SEPTIN10: variants seen among roughly 807,000 people sequenced by gnomAD.
The protein encoded by SEPTIN10 is septin-10.
In SEPTIN10, 66 loss-of-function variants were observed where a neutral mutation model predicts 54.8. The observed-to-expected ratio is 1.21, with a 90% CI of 0.99 to 1.48. The LOEUF (loss-of-function observed/expected upper bound fraction) is 1.48. Among genes scored for constraint, SEPTIN10 ranks in the 40% most tolerant of loss-of-function variants. SEPTIN10 has a pLI of 0.00. For synonymous variants in SEPTIN10, 161 were observed against 181.0 expected (o/e 0.89, Z 0.89); for missense variants, 620 against 545.6 (o/e 1.14, Z -1.36).
intron 1 of SEPTIN10, among the ~76,000 whole-genome samples, chr2:109,605,117 T>C (rs1697637028): frequency 6.6e-6 from 1 of 152,228 alleles, no homozygotes; most frequent in African/African-American, 2.4e-5. Context: ...GAAGTTTCCA[T>C]TGATTCCTTG....
chr2:109,601,927 G>A (rs1696682274), intron 1 of SEPTIN10, among the ~76,000 whole-genome samples: 1 of 152,172 alleles, frequency 6.6e-6, no homozygotes, highest in Non-Finnish European at 1.5e-5. Context: ...GGACAGCAAA[G>A]TATATTCAGT....
At chr2:109,572,133 T>C (rs1688536204) in intron 5 of SEPTIN10, among the ~76,000 whole-genome samples, 1 of 151,156 alleles carries the variant, frequency 6.6e-6, no homozygotes, top group African/African-American at 2.4e-5. Context: ...TCCCCACCTC[T>C]TTTTTTTTGT....
intron 4 of SEPTIN10, among the ~76,000 whole-genome samples, chr2:109,578,015 A>G (rs942005430): frequency 6.6e-6 from 1 of 151,738 alleles, no homozygotes; most frequent in Non-Finnish European, 1.5e-5. Flanking sequence ...GTCTATTTGT[A>G]TTATCAATGA....
intron 5 of SEPTIN10, among the ~76,000 whole-genome samples, chr2:109,573,580 T>C (rs1688877759): frequency 1.3e-5 from 2 of 152,196 alleles, no homozygotes; most frequent in African/African-American, 4.8e-5. Context: ...TAGGCAGGCC[T>C]TCAGGCTTTC....
intron 9 of SEPTIN10, among the ~76,000 whole-genome samples, chr2:109,547,451 A>G (rs2104589115): frequency 6.6e-6 from 1 of 151,044 alleles, no homozygotes; most frequent in African/African-American, 2.4e-5. Flanking sequence ...TCCCGTATAC[A>G]ACTGTTAAAT....
chr2:109,604,472 A>G (rs1014254166), intron 1 of SEPTIN10, among the ~76,000 whole-genome samples: 1 of 150,512 alleles, frequency 6.6e-6, no homozygotes, highest in Non-Finnish European at 1.5e-5. Context: ...GAGGCCTGTA[A>G]TCCTAGCACT....
intron 5 of SEPTIN10, among the ~76,000 whole-genome samples, chr2:109,573,334 T>C (rs935399042): frequency 5.9e-5 from 9 of 152,178 alleles, no homozygotes; most frequent in Non-Finnish European, 7.3e-5. Flanking sequence ...AATTACCTCA[T>C]GTTGCTCCTC....
chr2:109,603,524 C>A (rs568474157), intron 1 of SEPTIN10, among the ~76,000 whole-genome samples: 35 of 151,574 alleles, frequency 2.3e-4, no homozygotes, highest in African/African-American at 6.5e-4. Flanking sequence ...CAGGCGTGCA[C>A]CACCGCGCCC....
At chr2:109,574,207 G>C (rs1463288980) in intron 5 of SEPTIN10, among the ~76,000 whole-genome samples, 14 of 151,816 alleles carry the variant, frequency 9.2e-5, no homozygotes, top group Admixed American at 9.2e-4. Flanking sequence ...AAGAGACCAA[G>C]GAAGGAAAAT....
intron 3 of SEPTIN10, 113 bp from the exon 4 acceptor site, chr2:109,585,434 G>A (rs957305076): frequency 1.2e-5 from 11 of 894,312 alleles, no homozygotes; most frequent in Admixed American, 8.0e-5. Context: ...GCCAGGGTGC[G>A]CATGAAAGAA....
intron 2 of SEPTIN10, among the ~76,000 whole-genome samples, chr2:109,592,635 C>A (rs1442685466): frequency 6.6e-6 from 1 of 151,176 alleles, no homozygotes; most frequent in Admixed American, 6.6e-5. Flanking sequence ...AAAAAGTTAG[C>A]CGGACGTGGT....
intron 4 of SEPTIN10, among the ~76,000 whole-genome samples, chr2:109,580,157 A>T (rs1690754865): frequency 6.6e-6 from 1 of 151,728 alleles, no homozygotes; most frequent in South Asian, 2.1e-4. Flanking sequence ...CAGGCTAAAA[A>T]AACTTCACTG....
chr2:109,593,024 T>C lies in SEPTIN10; in HGVS notation c.99+27A>G, dbSNP rs1469929845. 4 of 1,475,212 alleles carry C rather than the reference T, an allele frequency of 2.7e-6. No homozygotes were observed. The South Asian group carries it at 5.5e-5, about 20-fold the overall frequency. 91.4% of individuals were successfully genotyped at this position (1,475,212 alleles called of 1,614,324 possible). A position where few individuals can be genotyped will look rare whatever the true frequency, so the allele number is the denominator to read the frequency against. On this transcript the variant is annotated intron_variant, in intron 2 of 10. Coordinates refer to ENST00000397712, the MANE Select transcript of SEPTIN10 (RefSeq NM_144710.5). ...TCATAGAAGCATTTAGAGTACAATA[T>C]GGTATCTATTTAAAAGACATACTCA...
chr2:109,558,299 G>A (rs2104956576), intron 8 of SEPTIN10, among the ~76,000 whole-genome samples: 1 of 152,214 alleles, frequency 6.6e-6, no homozygotes, highest in South Asian at 2.1e-4. Context: ...ACTACCTGAA[G>A]AACTATTTAG....
rs1558673280 is a variant in SEPTIN10, at chr2:109,544,178, TCAGTA to T, written c.*126_*130del. 1.3e-6 allele frequency: 2 copies of T among 1,588,962 alleles called. No individual in the cohort carries two copies. Among genetic ancestry groups the T allele is most frequent in the East Asian group, 4.5e-5 (2 of 44,500 alleles). ...ACTTGAAAGTACTTTTCCATAAATATCAGTAACTGTGGCTGTTCACCAAATATAGA... is the reference window on the plus strand; with the variant it reads ...ACTTGAAAGTACTTTTCCATAAATATACTGTGGCTGTTCACCAAATATAGA... On this transcript the variant is annotated 3_prime_UTR_variant, in exon 11 of 11. Transcript: ENST00000397712.
At chr2:109,603,718 G>A (rs1289839843) in intron 1 of SEPTIN10, among the ~76,000 whole-genome samples, 1 of 152,124 alleles carries the variant, frequency 6.6e-6, no homozygotes, top group African/African-American at 2.4e-5. Flanking sequence ...TACATAGTCA[G>A]AGAAAGCACT....
chr2:109,610,176 C>T (rs1259304755), intron 1 of SEPTIN10, among the ~76,000 whole-genome samples: 3 of 151,856 alleles, frequency 2.0e-5, no homozygotes, highest in Non-Finnish European at 4.4e-5. Context: ...GCAACCTCCA[C>T]CTCTCAGGTT....
chr2:109,545,869 G>T, intron 10 of SEPTIN10, 181 bp downstream of exon 10: 1 of 1,443,868 alleles, frequency 6.9e-7, no homozygotes, highest in Non-Finnish European at 9.1e-7. Context: ...GTGCTGTTCT[G>T]GATGCTGGGG....
chr2:109,577,298 TA>T (rs1689907612), intron 4 of SEPTIN10, among the ~76,000 whole-genome samples: 1 of 152,104 alleles, frequency 6.6e-6, no homozygotes, highest in Admixed American at 6.6e-5. Context: ...CTCGTGTAGT[TA>T]AAAAATAGAG....
Sources: allele counts gnomAD v4.1 joint callset (sites outside exome capture counted in the v4.1 genomes callset), GRCh38; gene constraint gnomAD v4.1.1; transcripts MANE v1.5; gene names NCBI Gene and HGNC (gene_info 2026-07-23, HGNC 2026-07-21).